The following C9orf72 variants were observed in gnomAD, a reference collection of about 807,000 sequenced individuals.
The protein encoded by C9orf72 is C9orf72-SMCR8 complex subunit, also known as guanine nucleotide exchange factor C9orf72.
C9orf72 carries 44 observed loss-of-function variants against 51.6 expected under a neutral mutation model. The ratio of observed to expected loss-of-function variants is 0.85; its 90% confidence interval spans 0.67 to 1.10. C9orf72 has a LOEUF of 1.10. C9orf72 is among the 50% of genes least tolerant of loss of function. The pLI, the probability that C9orf72 is intolerant of heterozygous loss-of-function variation, is 0.00. For synonymous variants in C9orf72, 213 were observed against 194.2 expected, an observed-to-expected ratio of 1.10 and a Z score of -0.81; for missense variants, 607 against 570.6, an observed-to-expected ratio of 1.06 and a Z score of -0.65.
chr9:27,569,768 A>C (rs1453514849), intron 1 of C9orf72, among the ~76,000 whole-genome samples: 1 of 152,244 alleles, frequency 6.6e-6, no homozygotes, highest in African/African-American at 2.4e-5. Context: ...TGTGAAGTCT[A>C]TTTATAATAA....
chr9:27,558,280 A>G (rs1054579728), intron 7 of C9orf72, among the ~76,000 whole-genome samples: 1 of 151,542 alleles, frequency 6.6e-6, no homozygotes, highest in African/African-American at 2.4e-5. Context: ...ACCCACCTGG[A>G]ACACAAAGGG....
Position 27,567,156 on chromosome 9 carries a change from C to A in C9orf72, c.-36G>T. On this transcript the variant is annotated 5_prime_UTR_variant, in exon 2 of 11. Coordinates refer to ENST00000380003, the MANE Select transcript of C9orf72 (RefSeq NM_018325.5). ...CAACTGTCACATTATCCAAATGCTC[C>A]GGAGATATCTAAACAATGACATATG... The A allele has an allele frequency of 6.5e-7, 1 of 1,539,738 alleles. No individual in the cohort carries two copies. Among genetic ancestry groups the A allele is most frequent in the Non-Finnish European group, 8.9e-7 (1 of 1,120,954 alleles).
chr9:27,558,128 T>C (rs1563901710), intron 7 of C9orf72, among the ~76,000 whole-genome samples: 1 of 150,534 alleles, frequency 6.6e-6, no homozygotes, highest in Non-Finnish European at 1.5e-5. Context: ...CCTATAAGCT[T>C]CTTAAAGATG....
In C9orf72 at chr9:27,566,711, T is replaced by C. The variant is rs753158467; in HGVS notation, c.410A>G (p.His137Arg). 6.2e-7 allele frequency: 1 copy of C among 1,609,864 alleles called. No homozygotes were observed. The highest frequency in any genetic ancestry group is 1.1e-5 in the South Asian group (1 of 90,752). ...LHRVCVDRLT[H>R]IIRKGRIWMH... ...CCATATTCTTCCTTTCCGGATTATA[T>C]GTGTTAATCTATCAACACACACTCT... The change falls in exon 2 of 11, where the codon CAT becomes CGT. Residue 137 changes from histidine (H) to arginine (R), a missense_variant. Coordinates refer to ENST00000380003, the MANE Select transcript of C9orf72 (RefSeq NM_018325.5).
chr9:27,568,181 T>C (rs2131546827), intron 1 of C9orf72, among the ~76,000 whole-genome samples: 1 of 150,916 alleles, frequency 6.6e-6, no homozygotes, highest in East Asian at 1.9e-4. Context: ...GTGAACTCTC[T>C]GGTTATGAGA....
chr9:27,556,045 CTT>C (rs202225226), intron 8 of C9orf72, among the ~76,000 whole-genome samples: 1 of 140,936 alleles, frequency 7.1e-6, no homozygotes, highest in Non-Finnish European at 1.5e-5. Context: ...ACTGTTCAGG[CTT>C]TTTTTTTTAA....
intron 3 of C9orf72, among the ~76,000 whole-genome samples, chr9:27,563,516 T>C (rs1402871145): frequency 6.6e-6 from 1 of 152,230 alleles, no homozygotes; most frequent in Non-Finnish European, 1.5e-5. Flanking sequence ...TTAAGATGAA[T>C]TTAATACTAG....
At position 27,565,738 on chromosome 9, in the gene C9orf72, T is replaced by C. The variant is rs546656601; in HGVS notation, c.445-148A>G. On this transcript the variant is annotated intron_variant, in intron 2 of 10. Transcript: ENST00000380003. ...AAAAAATGGGGGCAGGGGTAGGAAA[T>C]TAACCCAACAAATGCATGTTCTCAT... The C allele has an allele frequency of 7.0e-5, 41 of 586,664 alleles. No homozygotes were observed. In the South Asian group the frequency reaches 8.4e-4, roughly 12 times the overall value. The allele number at this position is 586,664 out of a possible 1,614,324, so 36.3% of individuals were successfully genotyped here. A position where few individuals can be genotyped will look rare whatever the true frequency, so the allele number is the denominator to read the frequency against.
At chr9:27,563,757 A>AC (rs1416678467) in intron 3 of C9orf72, among the ~76,000 whole-genome samples, 1 of 151,830 alleles carries the variant, frequency 6.6e-6, no homozygotes, top group African/African-American at 2.4e-5. Context: ...TTAAAAAAAA[A>AC]CCATCCTTTA....
At position 27,560,302 on chromosome 9, in the gene C9orf72, G is replaced by A; in HGVS notation, c.666-3C>T. Reference sequence around the variant, plus strand: ...TTTGCAAGTGTGAGCTGATGGCACTGTAAGTTAAAGAAAACAGATTAAAAA... The same window carrying A: ...TTTGCAAGTGTGAGCTGATGGCACTATAAGTTAAAGAAAACAGATTAAAAA... On this transcript the variant is annotated splice_polypyrimidine_tract_variant and splice_region_variant and intron_variant, in intron 5 of 10. Transcript: ENST00000380003. 6.2e-7 allele frequency: 1 copy of A among 1,605,262 alleles called. No individual in the cohort carries two copies. Among genetic ancestry groups the A allele is most frequent in the Non-Finnish European group, 8.5e-7 (1 of 1,175,328 alleles).
intron 1 of C9orf72, among the ~76,000 whole-genome samples, chr9:27,571,670 T>G (rs1819589245): frequency 6.6e-6 from 1 of 152,192 alleles, no homozygotes; most frequent in South Asian, 2.1e-4. Context: ...CAGGTTGAGC[T>G]TGAACTCCTG....
rs372989208 is a variant in C9orf72 at position 27,557,132 on chromosome 9, T to G, written c.856-336A>C. Among the ~76,000 whole-genome samples, 124 of 152,148 alleles carry G rather than the reference T, an allele frequency of 8.1e-4. No homozygotes were observed. In the South Asian group the frequency reaches 8.9e-3, roughly 11 times the overall value. ...GCTGTGAAAAAAGCAGATTAGAACA[T>G]GCAGAGATGATCCAGTGGGGGTGGG... On this transcript the variant is annotated intron_variant, in intron 7 of 10. Transcript: ENST00000380003.
chr9:27,568,440 A>T (rs528010279), intron 1 of C9orf72, among the ~76,000 whole-genome samples: 2 of 152,338 alleles, frequency 1.3e-5, no homozygotes, highest in African/African-American at 4.8e-5. Context: ...ATAAACGCTC[A>T]CATCCAAGAC....
chr9:27,560,469 C>T (rs2131538681), intron 5 of C9orf72, 170 bp from the exon 6 acceptor site: 1 of 609,588 alleles, frequency 1.6e-6, no homozygotes, highest in South Asian at 3.0e-5. Flanking sequence ...CCTACATTTT[C>T]TAGAGACCTT....
intron 9 of C9orf72, among the ~76,000 whole-genome samples, chr9:27,549,076 T>C (rs1820849361): frequency 6.6e-6 from 1 of 152,130 alleles, no homozygotes; most frequent in South Asian, 2.1e-4. Flanking sequence ...TCTCCTGACC[T>C]TGTGATCCAC....
In C9orf72 at chr9:27,550,671, TAG is replaced by T. The variant is rs1820887647; in HGVS notation, c.1126_1127del (p.Leu376SerfsTer52). ...IFQDVLHRDTLVKAFLDQVFQ... is the reference protein window; with the variant it reads ...IFQDVLHRDTXVKAFLDQVFQ... ...TTACCTGATCCAGGAAGGCTTTCAC[TAG>T]AGTGTCTCTGTGTAAGACATCTTGA... On this transcript the variant is annotated frameshift_variant, in exon 9 of 11. Coordinates refer to ENST00000380003, the MANE Select transcript of C9orf72 (RefSeq NM_018325.5). LOFTEE classifies it high-confidence loss of function. The T allele has an allele frequency of 6.3e-7, 1 of 1,591,214 alleles. No individual in the cohort carries two copies.
intron 9 of C9orf72, among the ~76,000 whole-genome samples, chr9:27,549,225 T>A (rs1157246484): frequency 6.6e-6 from 1 of 152,240 alleles, no homozygotes; most frequent in Non-Finnish European, 1.5e-5. Flanking sequence ...ACATCCATGT[T>A]TACTTCACTT....
At chr9:27,548,848 A>ATTT (rs199834267) in intron 9 of C9orf72, among the ~76,000 whole-genome samples, 182 bp from the exon 10 acceptor site, 1 of 145,102 alleles carries the variant, frequency 6.9e-6, no homozygotes. Context: ...ACAATCTGAT[A>ATTT]TTTTTTTTTT....
Position 27,547,887 on chromosome 9 carries a change from A to T in C9orf72, c.*349T>A, listed in dbSNP as rs1056792000. The T allele has an allele frequency of 6.2e-6, 1 of 160,554 alleles. No individual in the cohort carries two copies. Among genetic ancestry groups the T allele is most frequent in the Admixed American group, 6.4e-5 (1 of 15,512 alleles). 9.9% of individuals were successfully genotyped at this position (160,554 alleles called of 1,614,324 possible). On this transcript the variant is annotated 3_prime_UTR_variant, in exon 11 of 11. Coordinates refer to ENST00000380003, the MANE Select transcript of C9orf72 (RefSeq NM_018325.5). ...CAACTATCTGTAAAAGCCAACTCAG[A>T]TTTCACCTTGACACATGTAAACCAT...
Sources: gnomAD v4.1 joint callset for allele counts (sites outside exome capture counted in the v4.1 genomes callset) on GRCh38, gnomAD v4.1.1 for gene constraint, MANE v1.5 for transcripts, NCBI Gene and HGNC (gene_info 2026-07-23, HGNC 2026-07-21) for gene names.